HPS1: variants seen among roughly 807,000 people sequenced by gnomAD.
HPS1 encodes the protein BLOC-3 complex member HPS1.
A neutral mutation model predicts 90.6 loss-of-function variants in HPS1; 59 were observed. The observed-to-expected ratio is 0.65, with a 90% CI of 0.53 to 0.81. The LOEUF (loss-of-function observed/expected upper bound fraction) is 0.81. HPS1 is among the 30% of genes least tolerant of loss of function. The pLI, the probability that HPS1 is intolerant of heterozygous loss-of-function variation, is 0.00. For missense variants in HPS1, 849 were observed against 896.7 expected (o/e 0.95, Z 0.68); for synonymous variants, 388 against 384.4 (o/e 1.01, Z -0.11).
Position 98,422,412 on chromosome 10 carries a change from G to T in HPS1, c.1700C>A (p.Ser567Ter). ...AGCCAGCGGCCCCTTGCCCAACTCC[G>T]ACGAGGTCTTTTGACTGCAGTTGAG... Reference protein sequence around the residue: ...PSLNCSQKTSSELGKGPLAAF... With the variant: ...PSLNCSQKTS The change falls in exon 17 of 20, where the codon TCG (serine) becomes TAG (stop). Residue 567 changes from serine to a stop codon, truncating the protein, a stop_gained. Transcript: ENST00000361490. LOFTEE classifies it high-confidence loss of function. 6.3e-7 allele frequency: 1 copy of T among 1,579,662 alleles called. No homozygotes were observed. The highest frequency in any genetic ancestry group is 8.6e-7 in the Non-Finnish European group (1 of 1,158,902).
chr10:98,435,924 A>G lies in HPS1; in HGVS notation c.118-152T>C. ...TCCTGGTAGGGAGGGGAGCAAAAAG[A>G]GACTGTCCCCAACACTTCGGGTGGT... On this transcript the variant is annotated intron_variant, in intron 3 of 19. Coordinates refer to ENST00000361490, the MANE Select transcript of HPS1 (RefSeq NM_000195.5). The surrounding 1 kb of genome is among the most constrained non-coding windows in gnomAD (Gnocchi z 4.3). 6.4e-6 allele frequency: 6 copies of G among 935,980 alleles called. No individual in the cohort carries two copies. Among genetic ancestry groups the G allele is most frequent in the African/African-American group, 1.6e-5 (1 of 60,706 alleles). 58.0% of individuals were successfully genotyped at this position (935,980 alleles called of 1,614,324 possible).
intron 3 of HPS1, among the ~76,000 whole-genome samples, chr10:98,440,361 A>G (rs1938197993): frequency 6.6e-6 from 1 of 152,220 alleles, no homozygotes; most frequent in African/African-American, 2.4e-5. Context: ...AGCAAGAGTG[A>G]TATAGCAAAT....
chr10:98,424,010 C>A (rs1845261649), intron 14 of HPS1, 123 bp from the exon 15 acceptor site: 1 of 1,348,868 alleles, frequency 7.4e-7, no homozygotes, highest in African/African-American at 1.4e-5. Context: ...CCCTTGTGGA[C>A]CACCCCACTC....
chr10:98,415,733 G>A (rs1428785888), downstream of HPS1, among the ~76,000 whole-genome samples: 1 of 152,122 alleles, frequency 6.6e-6, no homozygotes, highest in Non-Finnish European at 1.5e-5. Context: ...TGTGTCTGTC[G>A]CTGAGGAGCA....
intron 17 of HPS1, among the ~76,000 whole-genome samples, chr10:98,421,995 C>CACAG (rs1554886674): frequency 0.013 from 1,977 of 150,264 alleles, 48 homozygotes; most frequent in African/African-American, 0.045. Context: ...CACACACACA[C>CACAG]ACACACACAC....
chr10:98,414,971 G>T (rs373556641), downstream of HPS1: 81 of 1,585,746 alleles, frequency 5.1e-5, no homozygotes, highest in African/African-American at 1.0e-3. Context: ...CTGTCTTCCC[G>T]CCCCTCAGCT....
At chr10:98,440,634 A>G (rs984649504) in intron 3 of HPS1, among the ~76,000 whole-genome samples, 3 of 152,118 alleles carry the variant, frequency 2.0e-5, no homozygotes, top group African/African-American at 7.2e-5. Context: ...TCATGGAATT[A>G]TAGGTCATTT....
chr10:98,417,551 CGGCCACCTT>C lies in HPS1; in HGVS notation c.*4_*12del. 1.2e-6 allele frequency: 2 copies of C among 1,604,306 alleles called. No homozygotes were observed. Among genetic ancestry groups the C allele is most frequent in the Non-Finnish European group, 1.7e-6 (2 of 1,175,422 alleles). On this transcript the variant is annotated 3_prime_UTR_variant, in exon 20 of 20. Coordinates refer to ENST00000361490, the MANE Select transcript of HPS1 (RefSeq NM_000195.5). The surrounding 1 kb of genome is among the most constrained non-coding windows in gnomAD (Gnocchi z 4.2). ...GAGGACAGGATGCAAAGGCAGACTG[CGGCCACCTT>C]GGCCTAGAGCAGGGGGATACGGGAG... is the stretch of plus-strand genomic sequence containing the variant.
intron 16 of HPS1, among the ~76,000 whole-genome samples, chr10:98,422,741 G>T (rs1845057163): frequency 1.3e-5 from 2 of 152,198 alleles, no homozygotes; most frequent in African/African-American, 4.8e-5. Context: ...TTGCACATTT[G>T]ACACGGGCAG....
In HPS1 at chr10:98,429,511, T is replaced by C. The variant is rs766643169; in HGVS notation, c.937+62A>G. On this transcript the variant is annotated intron_variant, in intron 10 of 19. Transcript: ENST00000361490. ...GGTCCACTGGAGCCTAAGACAGATG[T>C]CCTGGGCTGCCTGTCGCTCGCAGCT... The C allele has an allele frequency of 2.5e-6, 4 of 1,613,158 alleles. No homozygotes were observed. In the East Asian group the frequency reaches 8.9e-5, roughly 36 times the overall value.
rs778289626 is a variant in HPS1, at chr10:98,417,721, A to G, written c.1946T>C (p.Leu649Pro). ...GCGGTTCTTGCTGTAGTAGCGCAGG[A>G]GCTTCCTGGGGAGGAAGGGGAGGAT... ...GMLGGDYYRK[L>P]LRYYSKNRPT... The change falls in exon 20 of 20, where the codon CTC becomes CCC. Residue 649 changes from leucine to proline, a missense_variant. By Grantham distance (98) the Leu-to-Pro change is moderately conservative. Transcript: ENST00000361490. This position sits in a 1 kb window ranked among gnomAD's most constrained non-coding sequence, Gnocchi z 4.2. The G allele has an allele frequency of 3.7e-6, 6 of 1,613,510 alleles. No individual in the cohort carries two copies. The highest frequency in any genetic ancestry group is 5.1e-6 in the Non-Finnish European group (6 of 1,179,866).
chr10:98,426,042 T>C, intron 11 of HPS1, 57 bp from the exon 12 acceptor site: 1 of 1,477,222 alleles, frequency 6.8e-7, no homozygotes, highest in Non-Finnish European at 9.4e-7. Flanking sequence ...GACCCACCCA[T>C]TGCGGCCCTA....
intron 5 of HPS1, among the ~76,000 whole-genome samples, chr10:98,434,393 A>G (rs1846990399): frequency 6.6e-6 from 1 of 150,994 alleles, no homozygotes; most frequent in Non-Finnish European, 1.5e-5. Flanking sequence ...AGCTTCTCAC[A>G]CAGAGGCCAC....
At chr10:98,429,920 T>C in intron 8 of HPS1, 31 bp from the exon 9 acceptor site, 1 of 1,590,424 alleles carries the variant, frequency 6.3e-7, no homozygotes, top group South Asian at 1.1e-5. Context: ...GCTGGTTAGC[T>C]CCTATCTGAC....
At chr10:98,421,995 C>CACACAG (rs1270643657) in intron 17 of HPS1, among the ~76,000 whole-genome samples, 7 of 150,154 alleles carry the variant, frequency 4.7e-5, no homozygotes, top group African/African-American at 1.7e-4. Flanking sequence ...CACACACACA[C>CACACAG]ACACACACAC....
intron 3 of HPS1, among the ~76,000 whole-genome samples, chr10:98,437,234 G>T (rs1160003466): frequency 2.6e-5 from 4 of 152,106 alleles, no homozygotes; most frequent in African/African-American, 9.7e-5. Flanking sequence ...CTGGCACATG[G>T]TAGGTTCCCA....
chr10:98,429,399 G>C, intron 10 of HPS1, 174 bp downstream of exon 10: 2 of 1,535,190 alleles, frequency 1.3e-6, no homozygotes, highest in African/African-American at 2.7e-5. Context: ...GTTCAGGCTG[G>C]AGCTGGCAGG....
chr10:98,414,801 C>G, downstream of HPS1: 2 of 654,676 alleles, frequency 3.1e-6, no homozygotes, highest in East Asian at 6.0e-5. Flanking sequence ...CCAGGCCACA[C>G]AGCAGAGCCA....
At chr10:98,443,102 G>T (rs200522812) in intron 3 of HPS1, 22 bp downstream of exon 3, 2 of 1,517,740 alleles carry the variant, frequency 1.3e-6, no homozygotes, top group Non-Finnish European at 1.8e-6. Context: ...ACCCCTCCTG[G>T]GACTGCCTAC....
Sources: gnomAD v4.1 joint callset for allele counts (sites outside exome capture counted in the v4.1 genomes callset) on GRCh38, gnomAD v4.1.1 for gene constraint, Gnocchi (gnomAD v3.1) non-coding constraint, MANE v1.5 for transcripts, NCBI Gene and HGNC (gene_info 2026-07-23, HGNC 2026-07-21) for gene names.